NUTF2: variants seen among roughly 807,000 people sequenced by gnomAD.
NUTF2 encodes nuclear transport factor 2, also known as placental protein 15.
Under a neutral mutation model 18.5 loss-of-function variants are expected in NUTF2, and 3 were observed. The observed-to-expected ratio is 0.16, with a 90% CI of 0.07 to 0.42. The LOEUF (loss-of-function observed/expected upper bound fraction) is 0.42, where lower values mean the gene tolerates loss of function less well. NUTF2 is among the 10% of genes least tolerant of loss of function. The pLI is 0.99. For synonymous variants in NUTF2, 51 were observed against 57.9 expected (o/e 0.88, Z 0.54); for missense variants, 44 against 160.7 (o/e 0.27, Z 3.93).
chr16:67,849,542 A>G (rs1244422881), intron 1 of NUTF2, among the ~76,000 whole-genome samples: 4 of 151,110 alleles, frequency 2.6e-5, no homozygotes, highest in Non-Finnish European at 5.9e-5. Context: ...GGGTTTCACC[A>G]TATTTGTCAG....
At chr16:67,852,095 T>C (rs1231735964) in intron 1 of NUTF2, among the ~76,000 whole-genome samples, 1 of 152,092 alleles carries the variant, frequency 6.6e-6, no homozygotes, top group East Asian at 1.9e-4. Context: ...AGCTGGAGCA[T>C]TGCTTGAGGC....
At chr16:67,857,728 G>A (rs767522438) in intron 1 of NUTF2, among the ~76,000 whole-genome samples, 2 of 152,260 alleles carry the variant, frequency 1.3e-5, no homozygotes, top group African/African-American at 4.8e-5. Context: ...GGGTGTGGCT[G>A]TGCCTGCTGT....
chr16:67,865,362 G>A (rs538997003), intron 2 of NUTF2, 133 bp downstream of exon 2: 10 of 619,594 alleles, frequency 1.6e-5, no homozygotes, highest in East Asian at 2.8e-5. Flanking sequence ...TTTTGTCCAC[G>A]GGACAGGGGT....
chr16:67,865,529 G>A (rs2057964584), intron 2 of NUTF2, among the ~76,000 whole-genome samples: 1 of 152,294 alleles, frequency 6.6e-6, no homozygotes, highest in Middle Eastern at 3.4e-3. Context: ...AGAGGTTAGG[G>A]CTCATGGTGC....
intron 1 of NUTF2, among the ~76,000 whole-genome samples, chr16:67,862,460 G>A (rs1049614461): frequency 2.1e-4 from 32 of 152,252 alleles, no homozygotes; most frequent in Non-Finnish European, 8.8e-5. Flanking sequence ...TGCCCTACCA[G>A]GCCAAAGGGT....
chr16:67,861,911 T>C (rs1372673517), intron 1 of NUTF2, among the ~76,000 whole-genome samples: 1 of 152,134 alleles, frequency 6.6e-6, no homozygotes, highest in Non-Finnish European at 1.5e-5. Flanking sequence ...CACTCTTGCT[T>C]CTTTTTTTGG....
intron 2 of NUTF2, 53 bp from the exon 3 acceptor site, chr16:67,868,287 G>A: frequency 1.3e-6 from 2 of 1,550,536 alleles, no homozygotes; most frequent in Non-Finnish European, 1.8e-6. Context: ...CAGGGCCTTA[G>A]AGATACTTGT....
chr16:67,856,418 C>T (rs2057897706), intron 1 of NUTF2, among the ~76,000 whole-genome samples: 1 of 151,748 alleles, frequency 6.6e-6, no homozygotes, highest in South Asian at 2.1e-4. Flanking sequence ...TCTTGAATTC[C>T]TGACTTCATG....
chr16:67,860,291 C>G (rs939085768), intron 1 of NUTF2, among the ~76,000 whole-genome samples: 5 of 151,452 alleles, frequency 3.3e-5, no homozygotes, highest in Non-Finnish European at 5.9e-5. Flanking sequence ...TTTGTTTGTT[C>G]TGAGGCAGAG....
At chr16:67,855,900 T>TGGGGG (rs1256646247) in intron 1 of NUTF2, 59 of 222,052 alleles carry the variant, frequency 2.7e-4, no homozygotes, top group Middle Eastern at 1.8e-3. Context: ...GGGGGGGGGA[T>TGGGGG]GGGGGAAATG....
intron 2 of NUTF2, among the ~76,000 whole-genome samples, chr16:67,866,425 C>A (rs750864246): frequency 6.6e-6 from 1 of 151,186 alleles, no homozygotes; most frequent in Non-Finnish European, 1.5e-5. Context: ...TTGTGCCTAG[C>A]CTCAGGAGTA....
chr16:67,860,310 T>C (rs1251282923), intron 1 of NUTF2, among the ~76,000 whole-genome samples: 2 of 151,962 alleles, frequency 1.3e-5, no homozygotes, highest in Non-Finnish European at 2.9e-5. Context: ...AGTCTTGCCC[T>C]GTCACTCAGG....
chr16:67,856,083 A>G (rs1407381694), intron 1 of NUTF2: 8 of 620,246 alleles, frequency 1.3e-5, no homozygotes, highest in African/African-American at 7.3e-5. Context: ...ACGTCCCTGA[A>G]GAAGGTGGAC....
chr16:67,856,133 C>T (rs2057895060), intron 1 of NUTF2: 1 of 431,154 alleles, frequency 2.3e-6, no homozygotes, highest in Non-Finnish European at 4.4e-6. Flanking sequence ...GATTTTGTCA[C>T]TTAGGTGCTT....
intron 1 of NUTF2, among the ~76,000 whole-genome samples, chr16:67,848,787 C>T (rs989277118): frequency 6.6e-6 from 1 of 151,832 alleles, no homozygotes; most frequent in Non-Finnish European, 1.5e-5. Context: ...GCAGCTCAAT[C>T]TCTGCAGCTC....
chr16:67,855,131 T>C (rs1342958876), intron 1 of NUTF2, among the ~76,000 whole-genome samples: 1 of 152,208 alleles, frequency 6.6e-6, no homozygotes, highest in Admixed American at 6.5e-5. Flanking sequence ...CTCTCTTCCT[T>C]TGATCATATA....
intron 1 of NUTF2, among the ~76,000 whole-genome samples, chr16:67,851,132 G>A (rs1396694714): frequency 6.6e-6 from 1 of 151,850 alleles, no homozygotes; most frequent in East Asian, 2.0e-4. Flanking sequence ...GCCATGTCTT[G>A]TTTTATTCCG....
chr16:67,854,473 T>C (rs186580340), intron 1 of NUTF2, among the ~76,000 whole-genome samples: 1 of 152,358 alleles, frequency 6.6e-6, no homozygotes, highest in African/African-American at 2.4e-5. Flanking sequence ...AGATGGCCCT[T>C]GCCTGGGGGC....
chr16:67,869,336 C>T lies in NUTF2; in HGVS notation c.270+737C>T, dbSNP rs140353403. Among the ~76,000 whole-genome samples the T allele has an allele frequency of 2.8e-4, 43 of 151,256 alleles. No homozygotes were observed. In the East Asian group the frequency reaches 7.8e-3, roughly 27 times the overall value. On this transcript the variant is annotated intron_variant, in intron 4 of 4. Coordinates refer to ENST00000219169, the MANE Select transcript of NUTF2 (RefSeq NM_005796.3). ...CTGACCTCAGGTGATCCACCTGCCTCGGCCTCCCAAAGTGCTGGGATTATA... is the reference window on the plus strand; with the variant it reads ...CTGACCTCAGGTGATCCACCTGCCTTGGCCTCCCAAAGTGCTGGGATTATA...
Sources: allele counts gnomAD v4.1 joint callset (sites outside exome capture counted in the v4.1 genomes callset), GRCh38; gene constraint gnomAD v4.1.1; transcripts MANE v1.5; gene names NCBI Gene and HGNC (gene_info 2026-07-23, HGNC 2026-07-21).